COL8A2: variants seen among roughly 807,000 people sequenced by gnomAD.
The protein encoded by COL8A2 is collagen type VIII alpha 2 chain.
A neutral mutation model predicts 24.0 loss-of-function variants in COL8A2; 16 were observed. The ratio of observed to expected loss-of-function variants is 0.67; its 90% CI spans 0.45 to 1.01. The LOEUF (loss-of-function observed/expected upper bound fraction) is 1.01, where lower values mean the gene tolerates loss of function less well. Among genes scored for constraint, COL8A2 ranks in the 50% least tolerant of loss-of-function variants. The probability of loss-of-function intolerance (pLI) is 0.00; values close to 1 mark genes in which losing one functional copy is unlikely to be tolerated. For synonymous variants in COL8A2, 466 were observed against 424.5 expected, an observed-to-expected ratio of 1.10 and a Z score of -1.20; for missense variants, 818 against 942.4, an observed-to-expected ratio of 0.87 and a Z score of 1.73.
intron 2 of COL8A2, among the ~76,000 whole-genome samples, chr1:36,110,267 T>TG (rs371514007): frequency 9.4e-5 from 13 of 137,836 alleles, no homozygotes; most frequent in Non-Finnish European, 1.9e-4. Context: ...TGCTCTCATT[T>TG]AAAAAAAAAA....
At position 36,098,105 on chromosome 1, in the gene COL8A2, G is replaced by A. The variant is rs533259114; in HGVS notation, c.1576C>T (p.Pro526Ser). Residue 526 changes from proline to serine, a missense_variant, in exon 4 of 4, where the codon CCC (proline) becomes TCC (serine). Physicochemically the swap from Pro to Ser is moderately conservative, Grantham distance 74 (BLOSUM62 -1). Around this residue, in one of 3 missense-constraint regions of COL8A2, gnomAD observed 235 missense variants for 297.3 expected, o/e 0.79. Coordinates refer to ENST00000397799, the MANE Select transcript of COL8A2 (RefSeq NM_005202.4). ...CCAGGGGCACCAGGGGGTCCCGGGG[G>A]CCCGGGAGGCCCCGGAGGGCCCGTG... ...GITGPPGPPG[P>S]PGPPGAPGAF... 1.6e-5 allele frequency: 24 copies of A among 1,513,694 alleles called. No homozygotes were observed. In the East Asian group the frequency reaches 2.8e-4, roughly 17 times the overall value. 93.8% of individuals were successfully genotyped at this position (1,513,694 alleles called of 1,614,324 possible).
intron 2 of COL8A2, among the ~76,000 whole-genome samples, chr1:36,106,799 G>T (rs1283878287): frequency 6.6e-6 from 1 of 152,174 alleles, no homozygotes; most frequent in African/African-American, 2.4e-5. Flanking sequence ...GGTAATGGGG[G>T]TCCTCCAGCA....
intron 2 of COL8A2, 128 bp from the exon 3 acceptor site, chr1:36,100,386 C>T: frequency 2.2e-6 from 2 of 907,292 alleles, no homozygotes; most frequent in South Asian, 1.5e-5. Context: ...AGAAGCAATT[C>T]CGAATTTAGA....
intron 1 of COL8A2, among the ~76,000 whole-genome samples, chr1:36,121,965 C>A (rs955302995): frequency 6.6e-6 from 1 of 152,162 alleles, no homozygotes; most frequent in Non-Finnish European, 1.5e-5. Flanking sequence ...CCGCCACCCC[C>A]ACATGTGACC....
chr1:36,108,033 C>G (rs561958542), intron 2 of COL8A2, among the ~76,000 whole-genome samples: 1 of 152,228 alleles, frequency 6.6e-6, no homozygotes, highest in Non-Finnish European at 1.5e-5. Flanking sequence ...CACAGTGATG[C>G]TCCAGTGTTT....
chr1:36,121,388 C>CAAAAAAA (rs57902365), intron 1 of COL8A2, among the ~76,000 whole-genome samples: 2 of 47,632 alleles, frequency 4.2e-5, no homozygotes, highest in Non-Finnish European at 7.5e-5. Flanking sequence ...GACTCTGTCT[C>CAAAAAAA]AAAAAAAAAA....
At chr1:36,113,786 C>G (rs1030882472) in intron 2 of COL8A2, among the ~76,000 whole-genome samples, 5 of 152,220 alleles carry the variant, frequency 3.3e-5, no homozygotes. Context: ...CATCCCTCAC[C>G]CCTGCAAGTG....
Position 36,114,722 on chromosome 1 carries a change from A to T in COL8A2, c.-17+986T>A, listed in dbSNP as rs555630230. Among the ~76,000 whole-genome samples the T allele has an allele frequency of 2.6e-5, 4 of 151,894 alleles. No homozygotes were observed. The East Asian group carries it at 7.8e-4, about 30-fold the overall frequency. On this transcript the variant is annotated intron_variant, in intron 2 of 3. Transcript: ENST00000397799. ...CTCCTGCCTGAGGCGGGCACAGGGCATGTGCTCGATGAAGCCTGTAGCCTG... is the reference window on the plus strand; with the variant it reads ...CTCCTGCCTGAGGCGGGCACAGGGCTTGTGCTCGATGAAGCCTGTAGCCTG...
rs536436969 is a variant in COL8A2, at chr1:36,098,521, G to A, written c.1160C>T (p.Pro387Leu). 6.3e-7 allele frequency: 1 copy of A among 1,594,064 alleles called. No homozygotes were observed. The highest frequency in any genetic ancestry group is 1.1e-5 in the South Asian group (1 of 88,304). ...GTCACCTCGAATGCCAGGCACTCCTGGGGGTCCTCCAGGCCCTGCCTCACC... is the reference window on the plus strand; with the variant it reads ...GTCACCTCGAATGCCAGGCACTCCTAGGGGTCCTCCAGGCCCTGCCTCACC... ...PKGEAGPGGP[P>L]GVPGIRGDQG... The change falls in exon 4 of 4, where the codon CCA becomes CTA. Residue 387 changes from proline (P) to leucine (L), a missense_variant. Physicochemically the swap from Pro to Leu is moderately conservative, Grantham distance 98 (BLOSUM62 -3). This residue lies in a region of COL8A2 where 573 missense variants were observed against 616.8 expected (regional missense o/e 0.93). Coordinates refer to ENST00000397799, the MANE Select transcript of COL8A2 (RefSeq NM_005202.4).
chr1:36,122,760 T>C (rs1643923872), intron 1 of COL8A2, among the ~76,000 whole-genome samples: 1 of 152,146 alleles, frequency 6.6e-6, no homozygotes, highest in Non-Finnish European at 1.5e-5. Flanking sequence ...TTCATCCTTG[T>C]TCCCCAGAGC....
chr1:36,116,277 C>T (rs1043931159), intron 1 of COL8A2, among the ~76,000 whole-genome samples: 1 of 152,180 alleles, frequency 6.6e-6, no homozygotes, highest in African/African-American at 2.4e-5. Flanking sequence ...ATTCAGTGCA[C>T]ACTTAGCAAT....
intron 1 of COL8A2, among the ~76,000 whole-genome samples, chr1:36,120,747 CAA>C (rs34157391): frequency 0.015 from 1,474 of 98,126 alleles, 14 homozygotes; most frequent in African/African-American, 0.041. Flanking sequence ...GACTCCGTCT[CAA>C]AAAAAAAAAA....
At chr1:36,114,044 C>T (rs557951323) in intron 2 of COL8A2, among the ~76,000 whole-genome samples, 12 of 152,074 alleles carry the variant, frequency 7.9e-5, no homozygotes, top group African/African-American at 1.7e-4. Flanking sequence ...CGTGGCTGGG[C>T]GCGGTGGCTC....
At chr1:36,100,644 T>C (rs925124869) in intron 2 of COL8A2, among the ~76,000 whole-genome samples, 2 of 152,186 alleles carry the variant, frequency 1.3e-5, no homozygotes, top group Admixed American at 6.6e-5. Flanking sequence ...GCCAGCTCTC[T>C]GCCAGGCACT....
chr1:36,099,032 C>G lies in COL8A2; in HGVS notation c.649G>C (p.Gly217Arg). 1.9e-6 allele frequency: 3 copies of G among 1,551,078 alleles called. No homozygotes were observed. Among genetic ancestry groups the G allele is most frequent in the Non-Finnish European group, 2.6e-6 (3 of 1,150,686 alleles). Residue 217 changes from glycine to arginine, a missense_variant, in exon 4 of 4, where the codon GGG (glycine) becomes CGG (arginine). Gly to Arg is a moderately radical substitution (Grantham distance 125). Transcript: ENST00000397799. ...DNGVGQPGLP[G>R]APGQGGAPGP... ...GGGGCACCCCCCTGCCCTGGGGCCC[C>G]AGGCAGCCCGGGCTGGCCCACTCCA...
Position 36,123,592 on chromosome 1 carries a change from G to T in COL8A2, c.-62+1465C>A, listed in dbSNP as rs990954719. Among the ~76,000 whole-genome samples, 1 of 152,070 alleles carries T rather than the reference G, an allele frequency of 6.6e-6. No homozygotes were observed. The highest frequency in any genetic ancestry group is 6.6e-5 in the Admixed American group (1 of 15,264). On this transcript the variant is annotated intron_variant, in intron 1 of 3. Transcript: ENST00000397799. The surrounding 1 kb of genome is among the most constrained non-coding windows in gnomAD (Gnocchi z 4.1). Reference sequence around the variant, plus strand: ...CGTCCTGTCTGAGTATGTCTGGCTGGGCCACGTGGGGCCTGCCATGTGTCT... The same window carrying T: ...CGTCCTGTCTGAGTATGTCTGGCTGTGCCACGTGGGGCCTGCCATGTGTCT...
intron 1 of COL8A2, among the ~76,000 whole-genome samples, chr1:36,117,473 T>C (rs895527302): frequency 6.6e-6 from 1 of 151,688 alleles, no homozygotes; most frequent in African/African-American, 2.4e-5. Flanking sequence ...TGTGTGAGAG[T>C]GTAAAAGCCC....
chr1:36,099,435 A>G lies in COL8A2; in HGVS notation c.246T>C (p.Pro82=). The G allele has an allele frequency of 6.5e-7, 1 of 1,545,588 alleles. No homozygotes were observed. The highest frequency in any genetic ancestry group is 8.7e-7 in the Non-Finnish European group (1 of 1,150,450). ...GGGGACCCCGAGGCCCGGGCTTCCC[A>G]GGGGGGCCGGGCTCTCCCTTCAGGT... ...PMDLKGEPGP[P]GKPGPRGPPG... Residue 82 remains proline (P), a synonymous_variant, in exon 4 of 4, where the codon CCT becomes CCC. Transcript: ENST00000397799.
At chr1:36,112,634 T>C (rs186210137) in intron 2 of COL8A2, among the ~76,000 whole-genome samples, 2 of 152,208 alleles carry the variant, frequency 1.3e-5, no homozygotes, top group East Asian at 3.9e-4. Context: ...AGTAAAAGTG[T>C]GTTAAATGGC....
Sources: gnomAD v4.1 joint callset for allele counts (sites outside exome capture counted in the v4.1 genomes callset) on GRCh38, gnomAD v4.1.1 for gene constraint, gnomAD v4.1.1 regional missense constraint, Gnocchi (gnomAD v3.1) non-coding constraint, MANE v1.5 for transcripts, NCBI Gene and HGNC (gene_info 2026-07-23, HGNC 2026-07-21) for gene names.